MMP17: variants seen among roughly 807,000 people sequenced by gnomAD.
The protein encoded by MMP17 is matrix metalloproteinase-17.
MMP17 carries 54 observed loss-of-function variants against 49.1 expected under a neutral mutation model. The ratio of observed to expected loss-of-function variants is 1.10; its 90% CI spans 0.88 to 1.38. The LOEUF is 1.38. Ranked by LOEUF, MMP17 falls within the 40% of genes most tolerant of loss-of-function variation. The pLI, the probability that MMP17 is intolerant of heterozygous loss-of-function variation, is 0.00. For synonymous variants in MMP17, 397 were observed against 383.1 expected (o/e 1.04, Z -0.42); for missense variants, 837 against 853.7 (o/e 0.98, Z 0.24).
At chr12:131,847,929 T>C (rs149811149) in intron 8 of MMP17, among the ~76,000 whole-genome samples, 1 of 152,216 alleles carries the variant, frequency 6.6e-6, no homozygotes, top group Non-Finnish European at 1.5e-5. Flanking sequence ...ACCAGGCGCA[T>C]CTGTCCTGGT....
intron 8 of MMP17, among the ~76,000 whole-genome samples, chr12:131,848,636 C>T (rs1887824039): frequency 1.3e-5 from 2 of 152,104 alleles, no homozygotes. Context: ...CCCCATGGCT[C>T]TGAGTGTTCC....
intron 5 of MMP17, 53 bp from the exon 6 acceptor site, chr12:131,843,944 G>A: frequency 7.5e-7 from 1 of 1,329,744 alleles, no homozygotes; most frequent in Non-Finnish European, 1.0e-6. Flanking sequence ...GTGGGATGTG[G>A]GGGGAGGCGG....
chr12:131,828,714 C>A (rs1886640724), intron 1 of MMP17, 61 bp downstream of exon 1: 1 of 196,182 alleles, frequency 5.1e-6, no homozygotes, highest in Non-Finnish European at 9.9e-6. Flanking sequence ...TCTCCGCGGG[C>A]CGGGTGGCGG....
intron 3 of MMP17, 58 bp from the exon 4 acceptor site, chr12:131,840,515 G>C: frequency 6.6e-7 from 1 of 1,516,378 alleles, no homozygotes; most frequent in Non-Finnish European, 8.8e-7. Context: ...AGGGAACCTC[G>C]GCCTGGGGCA....
chr12:131,835,951 TC>T (rs2136314820), intron 1 of MMP17, among the ~76,000 whole-genome samples: 1 of 152,298 alleles, frequency 6.6e-6, no homozygotes, highest in East Asian at 1.9e-4. Flanking sequence ...GACCGGATGC[TC>T]GGGGCCAAAG....
At chr12:131,830,496 G>GCGGTGC (rs1390601375) in intron 1 of MMP17, among the ~76,000 whole-genome samples, 1 of 152,238 alleles carries the variant, frequency 6.6e-6, no homozygotes, top group Non-Finnish European at 1.5e-5. Context: ...GCTCACACTG[G>GCGGTGC]CGGTGCGGGG....
At chr12:131,841,029 C>T (rs946081573) in intron 4 of MMP17, among the ~76,000 whole-genome samples, 173 bp downstream of exon 4, 1 of 152,260 alleles carries the variant, frequency 6.6e-6, no homozygotes, top group African/African-American at 2.4e-5. Context: ...GTGCTCGGCC[C>T]GGCTGACCTC....
chr12:131,841,883 G>A (rs1887435700), intron 5 of MMP17, 83 bp downstream of exon 5: 13 of 1,431,176 alleles, frequency 9.1e-6, no homozygotes, highest in Non-Finnish European at 1.2e-5. Context: ...AGCCCCCCCG[G>A]GAGGGTTTGC....
At chr12:131,832,786 C>A (rs1336656756) in intron 1 of MMP17, among the ~76,000 whole-genome samples, 1 of 152,100 alleles carries the variant, frequency 6.6e-6, no homozygotes, top group Non-Finnish European at 1.5e-5. Context: ...GGGCTCCACG[C>A]GATCTGGCCC....
chr12:131,831,966 G>T (rs113857910), intron 1 of MMP17, among the ~76,000 whole-genome samples: 18 of 2,794 alleles, frequency 6.4e-3, no homozygotes, highest in East Asian at 0.023. Context: ...AAGGGGGAAG[G>T]CTGGAGAGGA....
At position 131,851,102 on chromosome 12, in the gene MMP17, G is replaced by A. The variant is rs1029804898; in HGVS notation, c.1640G>A (p.Gly547Glu). Residue 547 changes from glycine (G) to glutamate (E), a missense_variant, in exon 10 of 10, where the codon GGA becomes GAA. Gly to Glu is a moderately conservative substitution (Grantham distance 98). Coordinates refer to ENST00000360564, the MANE Select transcript of MMP17 (RefSeq NM_016155.7). ...DAAEGPRAPP[G>E]QHDQSRSEDG... is the part of the protein sequence containing the mutation. The stretch of plus-strand genomic sequence containing the variant: ...GCAGAGGGGCCCCGCGCCCCTCCAG[G>A]ACAACATGACCAGAGCCGCTCGGAG... 7.5e-6 allele frequency: 12 copies of A among 1,599,874 alleles called. No homozygotes were observed. The highest frequency in any genetic ancestry group is 2.7e-5 in the African/African-American group (2 of 74,350).
intron 9 of MMP17, among the ~76,000 whole-genome samples, chr12:131,850,573 C>T (rs1022433528): frequency 1.3e-5 from 2 of 152,226 alleles, no homozygotes; most frequent in African/African-American, 4.8e-5. Context: ...AATAAATATC[C>T]AGTAAGGGAA....
chr12:131,845,018 G>GC (rs1593235272), intron 6 of MMP17, 100 bp from the exon 7 acceptor site: 1 of 1,208,912 alleles, frequency 8.3e-7, no homozygotes, highest in African/African-American at 1.5e-5. Flanking sequence ...ACACAAGGAT[G>GC]CCTGTCCCAT....
intron 7 of MMP17, 46 bp from the exon 8 acceptor site, chr12:131,845,251 G>A: frequency 6.2e-7 from 1 of 1,613,800 alleles, no homozygotes; most frequent in Non-Finnish European, 8.5e-7. Context: ...GCCCACTCTG[G>A]GTGCAGACCG....
At chr12:131,841,828 G>A (rs757603495) in intron 5 of MMP17, 28 bp downstream of exon 5, 2 of 1,537,428 alleles carry the variant, frequency 1.3e-6, no homozygotes, top group South Asian at 2.4e-5. Flanking sequence ...GCCAGACACA[G>A]GGCCCCTGGA....
At chr12:131,843,027 A>C (rs1887500012) in intron 5 of MMP17, among the ~76,000 whole-genome samples, 4 of 151,278 alleles carry the variant, frequency 2.6e-5, no homozygotes, top group African/African-American at 4.9e-5. Context: ...ATGGAGTCTC[A>C]CTCTGTCACC....
At chr12:131,849,725 G>T (rs1422709455) in intron 8 of MMP17, 77 bp from the exon 9 acceptor site, 4 of 1,518,020 alleles carry the variant, frequency 2.6e-6, no homozygotes, top group Non-Finnish European at 2.7e-6. Context: ...GCTGACACAG[G>T]AGAAGGAAAG....
At chr12:131,833,188 C>T (rs1229936551) in intron 1 of MMP17, among the ~76,000 whole-genome samples, 2 of 152,228 alleles carry the variant, frequency 1.3e-5, no homozygotes, top group African/African-American at 2.4e-5. Context: ...CAGGCACCCT[C>T]CAGCAGGGAC....
At chr12:131,832,837 C>T (rs961497360) in intron 1 of MMP17, among the ~76,000 whole-genome samples, 1 of 152,216 alleles carries the variant, frequency 6.6e-6, no homozygotes, top group African/African-American at 2.4e-5. Flanking sequence ...GTCACACCCG[C>T]TCCTCTGCGC....
Sources: gnomAD v4.1 joint callset for allele counts (sites outside exome capture counted in the v4.1 genomes callset) on GRCh38, gnomAD v4.1.1 for gene constraint, MANE v1.5 for transcripts, NCBI Gene and HGNC (gene_info 2026-07-23, HGNC 2026-07-21) for gene names.